FAM227B: variants seen among roughly 807,000 people sequenced by gnomAD.
The protein encoded by FAM227B is protein FAM227B.
In FAM227B, 88 loss-of-function variants were observed where a neutral mutation model predicts 73.8. That is an observed-to-expected ratio of 1.19 (90% CI 1.00 to 1.42). FAM227B has a LOEUF of 1.42. Ranked by LOEUF, FAM227B falls within the 40% of genes most tolerant of loss-of-function variation. FAM227B has a pLI of 0.00. For missense variants in FAM227B, 632 were observed against 590.9 expected (o/e 1.07, Z -0.72); for synonymous variants, 210 against 190.5 (o/e 1.10, Z -0.84).
intron 11 of FAM227B, among the ~76,000 whole-genome samples, chr15:49,440,769 T>C (rs1268240495): frequency 6.6e-6 from 1 of 151,710 alleles, no homozygotes; most frequent in Non-Finnish European, 1.5e-5. Context: ...AGTCAGGACC[T>C]GAACTCAGGG....
At chr15:49,350,845 GA>G (rs759361712) in intron 13 of FAM227B, among the ~76,000 whole-genome samples, 10 of 152,172 alleles carry the variant, frequency 6.6e-5, no homozygotes, top group Non-Finnish European at 1.3e-4. Context: ...CAATGGTAGG[GA>G]TAAATGGGAG....
At chr15:49,517,659 CAACTT>C (rs945912164) in intron 10 of FAM227B, among the ~76,000 whole-genome samples, 8 of 152,194 alleles carry the variant, frequency 5.3e-5, no homozygotes, top group Admixed American at 2.0e-4. Context: ...CCTTTGTTTT[CAACTT>C]AACTTTTTGT....
chr15:49,509,165 G>A (rs891055025), intron 10 of FAM227B, among the ~76,000 whole-genome samples: 4 of 152,150 alleles, frequency 2.6e-5, no homozygotes, highest in Non-Finnish European at 5.9e-5. Flanking sequence ...TGGGCAGGTG[G>A]ATAGTGACCC....
chr15:49,510,698 A>T (rs888233025), intron 10 of FAM227B, among the ~76,000 whole-genome samples: 2 of 152,044 alleles, frequency 1.3e-5, no homozygotes, highest in African/African-American at 4.8e-5. Context: ...CTTGACTCTC[A>T]TCTTAACCTC....
intron 13 of FAM227B, among the ~76,000 whole-genome samples, chr15:49,358,985 G>A (rs1311738411): frequency 2.0e-5 from 3 of 151,092 alleles, no homozygotes; most frequent in African/African-American, 7.3e-5. Context: ...CAAGCAATGG[G>A]GAAAGGATTC....
chr15:49,601,028 C>A (rs1304517257), intron 3 of FAM227B, among the ~76,000 whole-genome samples: 19 of 137,158 alleles, frequency 1.4e-4, no homozygotes, highest in African/African-American at 4.5e-4. Flanking sequence ...GGTGACAGAG[C>A]AAGACTCTGT....
intron 11 of FAM227B, among the ~76,000 whole-genome samples, chr15:49,493,399 T>G (rs760031018): frequency 6.6e-6 from 1 of 152,008 alleles, no homozygotes; most frequent in African/African-American, 2.4e-5. Flanking sequence ...CTTAGACCAT[T>G]GTTCTCATGT....
intron 11 of FAM227B, among the ~76,000 whole-genome samples, chr15:49,494,515 T>C (rs923274935): frequency 6.6e-6 from 1 of 152,150 alleles, no homozygotes; most frequent in Non-Finnish European, 1.5e-5. Flanking sequence ...TGCACTGATT[T>C]ACTCTAATGA....
intron 2 of FAM227B, among the ~76,000 whole-genome samples, chr15:49,611,792 C>T (rs1414954533): frequency 3.9e-5 from 6 of 152,142 alleles, no homozygotes; most frequent in African/African-American, 1.4e-4. Flanking sequence ...TAATCCAGAC[C>T]ACAACTTTCT....
At chr15:49,488,452 T>C (rs982155638) in intron 11 of FAM227B, 9 of 152,068 alleles carry the variant, frequency 5.9e-5, no homozygotes, top group Non-Finnish European at 1.0e-4. Context: ...AATAATACAG[T>C]CCTAGCCTCT....
rs554294410 is a variant in FAM227B at position 49,568,551 on chromosome 15, G to A, written c.646-205C>T. Reference sequence around the variant, plus strand: ...ACCCTGGGCAAGTTAATTAAGTCCCGGGTTTCTCATCTGTCAAATGTAGGT... The same window carrying A: ...ACCCTGGGCAAGTTAATTAAGTCCCAGGTTTCTCATCTGTCAAATGTAGGT... On this transcript the variant is annotated intron_variant, in intron 8 of 15. Transcript: ENST00000299338. Among the ~76,000 whole-genome samples the A allele has an allele frequency of 9.9e-5, 15 of 152,034 alleles. No homozygotes were observed. The South Asian group carries it at 2.5e-3, about 25-fold the overall frequency.
intron 13 of FAM227B, among the ~76,000 whole-genome samples, chr15:49,342,898 T>C (rs1006027165): frequency 3.3e-5 from 5 of 152,208 alleles, no homozygotes; most frequent in African/African-American, 9.6e-5. Context: ...AAGTCTGCTG[T>C]AGCCTGAAGG....
At chr15:49,463,485 A>G (rs2053986660) in intron 11 of FAM227B, among the ~76,000 whole-genome samples, 1 of 146,182 alleles carries the variant, frequency 6.8e-6, no homozygotes, top group Non-Finnish European at 1.5e-5. Context: ...CGGAAGGCAG[A>G]GGTTTCAGTG....
intron 11 of FAM227B, among the ~76,000 whole-genome samples, chr15:49,433,853 A>G (rs1282596108): frequency 2.0e-5 from 3 of 151,744 alleles, no homozygotes; most frequent in Non-Finnish European, 4.4e-5. Flanking sequence ...ACAGTAATTC[A>G]TAGTTGATAT....
At chr15:49,580,388 C>A (rs8027730) in intron 5 of FAM227B, among the ~76,000 whole-genome samples, 66,236 of 151,914 alleles carry the variant, frequency 0.44, 14,771 homozygotes, top group East Asian at 0.54. Flanking sequence ...AATACTTTGC[C>A]AATACATGCC....
chr15:49,487,353 TAAC>T (rs2056481943), intron 11 of FAM227B: 2 of 151,902 alleles, frequency 1.3e-5, no homozygotes, highest in South Asian at 2.1e-4. Context: ...CATGAAATGA[TAAC>T]AAAAGTAAAC....
At chr15:49,462,846 T>C in intron 11 of FAM227B, among the ~76,000 whole-genome samples, 1 of 152,252 alleles carries the variant, frequency 6.6e-6, no homozygotes, top group Admixed American at 6.5e-5. Flanking sequence ...TATTGATAAA[T>C]TATAAACGAT....
At chr15:49,453,352 C>T (rs2052955554) in intron 11 of FAM227B, among the ~76,000 whole-genome samples, 1 of 152,134 alleles carries the variant, frequency 6.6e-6, no homozygotes, top group Admixed American at 6.6e-5. Context: ...CATTTGCTCA[C>T]CTCCGCCTCC....
At position 49,400,901 on chromosome 15, in the gene FAM227B, G is replaced by T. The variant is rs529462474; in HGVS notation, c.1013-29502C>A. 8.6e-5 allele frequency among the ~76,000 whole-genome samples: 13 copies of T among 151,878 alleles called. No individual in the cohort carries two copies. The East Asian group carries it at 1.7e-3, about 20-fold the overall frequency. On this transcript the variant is annotated intron_variant, in intron 11 of 15. Coordinates refer to ENST00000299338, the MANE Select transcript of FAM227B (RefSeq NM_152647.3). ...TAGACCTAAAACCATAAAAACCCTA[G>T]AAGAAAACCTAGGCATTACCATTCA...
Sources: allele counts gnomAD v4.1 joint callset (sites outside exome capture counted in the v4.1 genomes callset), GRCh38; gene constraint gnomAD v4.1.1; transcripts MANE v1.5; gene names NCBI Gene and HGNC (gene_info 2026-07-23, HGNC 2026-07-21).